KDM4C: variants seen among roughly 807,000 people sequenced by gnomAD.
The protein encoded by KDM4C is lysine demethylase 4C, also known as lysine-specific demethylase 4C.
KDM4C carries 81 observed loss-of-function variants against 129.3 expected under a neutral mutation model. That is an observed-to-expected ratio of 0.63 (90% CI 0.52 to 0.75). The LOEUF (loss-of-function observed/expected upper bound fraction) is 0.75. KDM4C is among the 30% of genes least tolerant of loss of function. The pLI is 0.00. For synonymous variants in KDM4C, 573 were observed against 456.1 expected (o/e 1.26, Z -3.26); for missense variants, 1,457 against 1,304.0 (o/e 1.12, Z -1.81).
chr9:7,029,320 T>G (rs150765457), intron 15 of KDM4C, among the ~76,000 whole-genome samples: 25 of 148,584 alleles, frequency 1.7e-4, no homozygotes, highest in African/African-American at 5.6e-4. Flanking sequence ...TTGCCTATAC[T>G]GAAAATTGTT....
At chr9:6,819,578 A>G (rs1384776017) in intron 4 of KDM4C, among the ~76,000 whole-genome samples, 1 of 152,196 alleles carries the variant, frequency 6.6e-6, no homozygotes, top group Non-Finnish European at 1.5e-5. Flanking sequence ...AGCATAAGGA[A>G]AGACATGAGA....
chr9:6,856,128 G>A (rs1392661309), intron 5 of KDM4C, among the ~76,000 whole-genome samples: 1 of 151,636 alleles, frequency 6.6e-6, no homozygotes, highest in Non-Finnish European at 1.5e-5. Flanking sequence ...GTAAACATTT[G>A]CTCAGTGAAC....
intron 8 of KDM4C, among the ~76,000 whole-genome samples, chr9:6,935,549 C>G (rs183274397): frequency 6.0e-5 from 9 of 151,222 alleles, no homozygotes; most frequent in African/African-American, 1.9e-4. Context: ...TCCCAAGTAG[C>G]TGGGATTACA....
chr9:6,826,079 C>T (rs572129379), intron 4 of KDM4C, among the ~76,000 whole-genome samples: 7 of 152,156 alleles, frequency 4.6e-5, no homozygotes, highest in African/African-American at 1.7e-4. Flanking sequence ...CTCAAAGTTA[C>T]GGGATTACTG....
chr9:7,139,031 G>C (rs556441170), intron 19 of KDM4C, among the ~76,000 whole-genome samples: 18 of 152,194 alleles, frequency 1.2e-4, no homozygotes, highest in African/African-American at 4.1e-4. Context: ...CAGCACCTTG[G>C]GAGTTCGAGG....
chr9:6,984,680 G>A (rs76597196), intron 10 of KDM4C, among the ~76,000 whole-genome samples: 7 of 149,248 alleles, frequency 4.7e-5, no homozygotes, highest in Non-Finnish European at 7.4e-5. Flanking sequence ...TTTTTTTTTC[G>A]TGCAACTCAA....
At chr9:6,800,864 G>C (rs1395241376) in intron 2 of KDM4C, among the ~76,000 whole-genome samples, 1 of 152,184 alleles carries the variant, frequency 6.6e-6, no homozygotes, top group Non-Finnish European at 1.5e-5. Flanking sequence ...CTGAGCTCTA[G>C]TTATCCTCCA....
chr9:7,015,425 G>A (rs1334168088), intron 14 of KDM4C, among the ~76,000 whole-genome samples: 2 of 152,024 alleles, frequency 1.3e-5, no homozygotes, highest in Non-Finnish European at 2.9e-5. Flanking sequence ...TGCTAACTCT[G>A]AATTTGCAGC....
chr9:7,101,398 C>G (rs1837073062), intron 17 of KDM4C, among the ~76,000 whole-genome samples: 3 of 152,168 alleles, frequency 2.0e-5, no homozygotes, highest in Admixed American at 6.5e-5. Flanking sequence ...ACTGCGTTAA[C>G]TGTCTTACAG....
chr9:7,130,786 C>G (rs932480408), intron 19 of KDM4C, among the ~76,000 whole-genome samples: 8 of 151,826 alleles, frequency 5.3e-5, no homozygotes, highest in African/African-American at 1.9e-4. Context: ...TGAGACAGGG[C>G]CTCATTTTGT....
At chr9:6,782,649 A>G (rs1824615225) in intron 1 of KDM4C, among the ~76,000 whole-genome samples, 1 of 152,114 alleles carries the variant, frequency 6.6e-6, no homozygotes. Flanking sequence ...AAGTGAAGCA[A>G]AGGTTTCAAG....
rs145045488 is a variant in KDM4C at position 7,150,723 on chromosome 9, AC to A, written c.2782-14512del. Reference sequence around the variant, plus strand: ...GGGTGTGGTCAACCCCGCAGTGTCAACCCTGTTTCTAGTTATTGGCGTTTGT... The same window carrying A: ...GGGTGTGGTCAACCCCGCAGTGTCAACCTGTTTCTAGTTATTGGCGTTTGT... On this transcript the variant is annotated intron_variant, in intron 19 of 21. Coordinates refer to ENST00000381309, the MANE Select transcript of KDM4C (RefSeq NM_015061.6). Among the ~76,000 whole-genome samples, 1,232 of 152,248 alleles carry A rather than the reference AC, an allele frequency of 8.1e-3. 12 individuals are homozygous for A. The highest frequency in any genetic ancestry group is 0.02 in the Middle Eastern group (6 of 294).
chr9:6,740,850 C>T lies in KDM4C; in HGVS notation c.49+19853C>T, dbSNP rs145700471. ...ATAATTATTTTCTTTTTTTTTGAGA[C>T]GGAGTCTCACTCTGTTGTCCAAGTT... is the stretch of plus-strand genomic sequence containing the variant. On this transcript the variant is annotated intron_variant, in intron 1 of 17. Transcript: ENST00000536108. Among the ~76,000 whole-genome samples the T allele has an allele frequency of 5.3e-5, 8 of 150,764 alleles. No homozygotes were observed. In the South Asian group the frequency reaches 6.3e-4, roughly 12 times the overall value.
chr9:6,907,103 C>G (rs1263739616), intron 8 of KDM4C, among the ~76,000 whole-genome samples: 1 of 152,084 alleles, frequency 6.6e-6, no homozygotes, highest in Non-Finnish European at 1.5e-5. Flanking sequence ...TTAGAAAAAT[C>G]TCTGCTATAC....
chr9:6,987,057 G>A (rs967980636), intron 11 of KDM4C, among the ~76,000 whole-genome samples: 1 of 152,076 alleles, frequency 6.6e-6, no homozygotes, highest in Non-Finnish European at 1.5e-5. Flanking sequence ...CAATCATATC[G>A]ACATTGATAC....
chr9:7,072,414 C>G (rs1359839059), intron 17 of KDM4C, among the ~76,000 whole-genome samples: 1 of 152,204 alleles, frequency 6.6e-6, no homozygotes, highest in East Asian at 1.9e-4. Context: ...AACATGGTAC[C>G]TTCATACAAT....
rs1488921623 is a variant in KDM4C, at chr9:6,867,013, ATATAT to A, written c.630-12997_630-12993del. Among the ~76,000 whole-genome samples the A allele has an allele frequency of 3.0e-3, 237 of 78,806 alleles. 2 individuals are homozygous for A. Among genetic ancestry groups the A allele is most frequent in the African/African-American group, 8.4e-3 (201 of 24,010 alleles). The allele number at this position is 78,806 out of a possible 152,430, so 51.7% of individuals were successfully genotyped here. A position where few individuals can be genotyped will look rare whatever the true frequency, so the allele number is the denominator to read the frequency against. On this transcript the variant is annotated intron_variant, in intron 5 of 21. Transcript: ENST00000381309. ...TGTGTGTGTGTGTATATATATATATATATATTTTTTTTTTTTTTTGGAAGATGGAA... is the reference window on the plus strand; with the variant it reads ...TGTGTGTGTGTGTATATATATATATATTTTTTTTTTTTTTGGAAGATGGAA...
chr9:6,990,278 G>A, intron 11 of KDM4C, 138 bp from the exon 12 acceptor site: 2 of 650,224 alleles, frequency 3.1e-6, no homozygotes, highest in Admixed American at 2.8e-5. Flanking sequence ...TTTCTTAAAG[G>A]ACTAGTTCCC....
intron 8 of KDM4C, among the ~76,000 whole-genome samples, chr9:6,952,419 A>G (rs1203082509): frequency 6.7e-6 from 1 of 148,658 alleles, no homozygotes; most frequent in Non-Finnish European, 1.5e-5. Context: ...GTGTATATAT[A>G]TATATATATA....
Sources: gnomAD v4.1 joint callset for allele counts (sites outside exome capture counted in the v4.1 genomes callset) on GRCh38, gnomAD v4.1.1 for gene constraint, MANE v1.5 for transcripts, NCBI Gene and HGNC (gene_info 2026-07-23, HGNC 2026-07-21) for gene names.